Variants in NPAS3 observed in about 807,000 individuals in gnomAD.
NPAS3 encodes the protein neuronal PAS domain-containing protein 3.
Under a neutral mutation model 73.1 loss-of-function variants are expected in NPAS3, and 14 were observed. The ratio of observed to expected loss-of-function variants is 0.19; its 90% confidence interval spans 0.13 to 0.30. The LOEUF is 0.30. Among genes scored for constraint, NPAS3 ranks in the 10% least tolerant of loss-of-function variants. The probability of loss-of-function intolerance (pLI) is 1.00; values close to 1 mark genes in which losing one functional copy is unlikely to be tolerated. For synonymous variants in NPAS3, 620 were observed against 541.5 expected, an observed-to-expected ratio of 1.14 and a Z score of -2.01; for missense variants, 1,096 against 1,250.0, an observed-to-expected ratio of 0.88 and a Z score of 1.86.
chr14:33,202,865 G>A (rs1445999268), intron 2 of NPAS3, among the ~76,000 whole-genome samples: 13 of 152,028 alleles, frequency 8.6e-5, no homozygotes, highest in Non-Finnish European at 1.8e-4. Flanking sequence ...TAAGCTCAGG[G>A]CAGCTTGCAA....
chr14:33,458,765 C>A (rs916236463), intron 4 of NPAS3, among the ~76,000 whole-genome samples: 1 of 151,886 alleles, frequency 6.6e-6, no homozygotes, highest in South Asian at 2.1e-4. Context: ...AATTAAGTAA[C>A]CAAAAGAAAA....
At chr14:33,013,558 A>T (rs912463711) in intron 1 of NPAS3, among the ~76,000 whole-genome samples, 1 of 152,190 alleles carries the variant, frequency 6.6e-6, no homozygotes, top group African/African-American at 2.4e-5. Flanking sequence ...ATAACCATTT[A>T]AAAAAATTTG....
chr14:33,278,070 C>T (rs1260668328), intron 3 of NPAS3, among the ~76,000 whole-genome samples: 1 of 152,082 alleles, frequency 6.6e-6, no homozygotes, highest in Non-Finnish European at 1.5e-5. Context: ...AGGCTAAACT[C>T]AGCATAATCT....
chr14:33,622,815 G>A (rs182338938), intron 5 of NPAS3, among the ~76,000 whole-genome samples: 10 of 152,258 alleles, frequency 6.6e-5, no homozygotes, highest in Admixed American at 3.9e-4. Flanking sequence ...TTGCTATAAG[G>A]AAGAACTCTG....
At chr14:33,491,499 CT>C (rs2139818146) in intron 4 of NPAS3, among the ~76,000 whole-genome samples, 1 of 152,236 alleles carries the variant, frequency 6.6e-6, no homozygotes, top group South Asian at 2.1e-4. Flanking sequence ...GCCGTGAGCA[CT>C]AGGATTGTGG....
intron 5 of NPAS3, among the ~76,000 whole-genome samples, chr14:33,586,380 CAG>C (rs1221677847): frequency 6.6e-6 from 1 of 151,664 alleles, no homozygotes; most frequent in Non-Finnish European, 1.5e-5. Context: ...ATTTTATAAA[CAG>C]ATACTTTCTT....
At chr14:32,990,422 T>C (rs1025911911) in intron 1 of NPAS3, among the ~76,000 whole-genome samples, 15 of 152,142 alleles carry the variant, frequency 9.9e-5, no homozygotes, top group Non-Finnish European at 2.2e-4. Flanking sequence ...GGCTTTAAAT[T>C]TTCCAGATAG....
At chr14:33,367,214 C>T in exon 4 of NPAS3, 1 of 867,186 alleles carries the variant, frequency 1.2e-6, no homozygotes, top group Non-Finnish European at 2.0e-6. Flanking sequence ...GGAGAAGCCC[C>T]AGTGCACTAG....
intron 3 of NPAS3, among the ~76,000 whole-genome samples, chr14:33,293,735 A>G (rs554244582): frequency 5.6e-4 from 85 of 152,312 alleles, no homozygotes; most frequent in Admixed American, 3.0e-3. Context: ...AATTCCAAAA[A>G]CTACAGTGCC....
intron 2 of NPAS3, among the ~76,000 whole-genome samples, chr14:33,213,163 T>A (rs1187208519): frequency 1.3e-5 from 2 of 152,112 alleles, no homozygotes; most frequent in African/African-American, 4.8e-5. Flanking sequence ...CTCACTGACA[T>A]TCCCTGCCTG....
chr14:33,318,425 T>C (rs770410728), intron 3 of NPAS3, among the ~76,000 whole-genome samples: 5 of 152,112 alleles, frequency 3.3e-5, no homozygotes, highest in Non-Finnish European at 7.4e-5. Context: ...TGGTTCACAA[T>C]GATGTGAGTT....
intron 2 of NPAS3, among the ~76,000 whole-genome samples, chr14:33,129,020 G>A (rs767362816): frequency 2.0e-5 from 3 of 151,828 alleles, no homozygotes; most frequent in Non-Finnish European, 2.9e-5. Context: ...TTTTCCACAG[G>A]ATTTTTTTCC....
At chr14:32,938,274 C>T (rs945533168), upstream of NPAS3, among the ~76,000 whole-genome samples, 3 of 152,166 alleles carry the variant, frequency 2.0e-5, no homozygotes, top group East Asian at 5.8e-4. Flanking sequence ...TATTGATTTC[C>T]GCTGCCCCCA....
chr14:33,056,472 C>T (rs887535538), intron 2 of NPAS3, among the ~76,000 whole-genome samples: 5 of 152,218 alleles, frequency 3.3e-5, no homozygotes, highest in Non-Finnish European at 7.3e-5. Context: ...GCAGACTTAA[C>T]ATGCTAGCTA....
chr14:33,151,852 C>T (rs973980347), intron 2 of NPAS3, among the ~76,000 whole-genome samples: 3 of 152,134 alleles, frequency 2.0e-5, no homozygotes, highest in African/African-American at 7.2e-5. Flanking sequence ...AAGTTAGTCT[C>T]TTTCTCTCTA....
chr14:33,107,616 C>A lies in NPAS3; in HGVS notation c.140+51622C>A, dbSNP rs151026293. ...TCTATTTTATGGCTGTGTAGTATTC[C>A]ATGGTGTGTATGTACCACATTTTCT... is the stretch of plus-strand genomic sequence containing the variant. On this transcript the variant is annotated intron_variant, in intron 2 of 11. Transcript: ENST00000356141. Among the ~76,000 whole-genome samples, 68 of 152,224 alleles carry A rather than the reference C, an allele frequency of 4.5e-4. No homozygotes were observed. In the East Asian group the frequency reaches 0.013, roughly 28 times the overall value.
intron 4 of NPAS3, among the ~76,000 whole-genome samples, chr14:33,483,260 G>A (rs1241787403): frequency 6.6e-6 from 1 of 152,158 alleles, no homozygotes; most frequent in Non-Finnish European, 1.5e-5. Context: ...CTGTGTCCTG[G>A]TGGTCAGTTC....
chr14:33,119,674 TGAAAG>T (rs923592840), intron 2 of NPAS3, among the ~76,000 whole-genome samples: 7 of 152,210 alleles, frequency 4.6e-5, no homozygotes, highest in African/African-American at 1.7e-4. Flanking sequence ...AGGAAAATGA[TGAAAG>T]GAAAACTTGA....
At chr14:33,764,952 G>A (rs528347576) in intron 7 of NPAS3, among the ~76,000 whole-genome samples, 1 of 152,168 alleles carries the variant, frequency 6.6e-6, no homozygotes, top group Non-Finnish European at 1.5e-5. Context: ...CTGAGAAAAT[G>A]TGGTTTATAT....
Sources: allele counts gnomAD v4.1 joint callset (sites outside exome capture counted in the v4.1 genomes callset), GRCh38; gene constraint gnomAD v4.1.1; transcripts MANE v1.5; gene names NCBI Gene and HGNC (gene_info 2026-07-23, HGNC 2026-07-21).